Variants in TMEM108 observed in about 807,000 individuals in gnomAD.
TMEM108 encodes the protein transmembrane protein 108, also known as cancer/testis antigen 124.
A neutral mutation model predicts 35.1 loss-of-function variants in TMEM108; 12 were observed. The observed-to-expected ratio is 0.34, with a 90% confidence interval of 0.22 to 0.55. The LOEUF (loss-of-function observed/expected upper bound fraction) is 0.55, where lower values mean the gene tolerates loss of function less well. Among genes scored for constraint, TMEM108 ranks in the 20% least tolerant of loss-of-function variants. The pLI, the probability that TMEM108 is intolerant of heterozygous loss-of-function variation, is 0.89. For missense variants in TMEM108, 680 were observed against 753.3 expected, an observed-to-expected ratio of 0.90 and a Z score of 1.14; for synonymous variants, 287 against 308.6, an observed-to-expected ratio of 0.93 and a Z score of 0.73.
chr3:133,164,115 T>C (rs1476799145), intron 2 of TMEM108, among the ~76,000 whole-genome samples: 1 of 151,904 alleles, frequency 6.6e-6, no homozygotes, highest in Non-Finnish European at 1.5e-5. Flanking sequence ...CTTAGATCAA[T>C]TTATAGAATA....
rs1214771249 is a variant in TMEM108 at position 133,244,120 on chromosome 3, A to T, written c.40+14769A>T. On this transcript the variant is annotated intron_variant, in intron 3 of 5. Coordinates refer to ENST00000321871, the MANE Select transcript of TMEM108 (RefSeq NM_023943.4). ...ATCTCGGATCTCTCAGTCATTGGTTAAGGGCACTGAAGATGTGCCAAGCTC... is the reference window on the plus strand; with the variant it reads ...ATCTCGGATCTCTCAGTCATTGGTTTAGGGCACTGAAGATGTGCCAAGCTC... 2.6e-5 allele frequency among the ~76,000 whole-genome samples: 4 copies of T among 152,192 alleles called. No individual in the cohort carries two copies. In the East Asian group the frequency reaches 7.7e-4, roughly 29 times the overall value.
At chr3:133,098,455 A>T (rs1347506493) in intron 2 of TMEM108, among the ~76,000 whole-genome samples, 5 of 152,258 alleles carry the variant, frequency 3.3e-5, no homozygotes, top group Admixed American at 6.5e-5. Context: ...TCTAAATCTC[A>T]TGGCCTCACA....
rs183009482 is a variant in TMEM108 at position 133,282,136 on chromosome 3, G to A, written c.40+52785G>A. ...CACACCACTGTACTCCAGCCTGGGC[G>A]ACAGAGCGAGACTCCGTCTCAAAAA... On this transcript the variant is annotated intron_variant, in intron 3 of 5. Coordinates refer to ENST00000321871, the MANE Select transcript of TMEM108 (RefSeq NM_023943.4). 4.3e-3 allele frequency among the ~76,000 whole-genome samples: 648 copies of A among 152,176 alleles called. 6 individuals are homozygous for A. The highest frequency in any genetic ancestry group is 6.5e-3 in the Non-Finnish European group (440 of 68,008).
intron 2 of TMEM108, among the ~76,000 whole-genome samples, chr3:133,129,386 T>C (rs1461959812): frequency 7.1e-6 from 1 of 141,736 alleles, no homozygotes; most frequent in African/African-American, 2.7e-5. Context: ...AACACTAAAT[T>C]AGTTCTTTGC....
At chr3:133,058,195 G>A (rs1043396676) in intron 2 of TMEM108, among the ~76,000 whole-genome samples, 14 of 152,180 alleles carry the variant, frequency 9.2e-5, no homozygotes, top group African/African-American at 3.1e-4. Flanking sequence ...TTTGACTTGT[G>A]TAACATCAGA....
In TMEM108 at chr3:133,363,709, T is replaced by A. The variant is rs531215875; in HGVS notation, c.41-16043T>A. 1.1e-3 allele frequency among the ~76,000 whole-genome samples: 172 copies of A among 152,278 alleles called. 1 individual carries two copies. Among genetic ancestry groups the A allele is most frequent in the Admixed American group, 1.3e-3 (20 of 15,286 alleles). On this transcript the variant is annotated intron_variant, in intron 3 of 5. Coordinates refer to ENST00000321871, the MANE Select transcript of TMEM108 (RefSeq NM_023943.4). ...GCATAAGCAACTGCTCCCGGCCTGT[T>A]ATTATTTTTATAGCAAAGACTTAGG...
chr3:133,089,094 C>T (rs971756724), intron 2 of TMEM108, among the ~76,000 whole-genome samples: 1 of 152,110 alleles, frequency 6.6e-6, no homozygotes, highest in African/African-American at 2.4e-5. Flanking sequence ...ACAACCAGAT[C>T]TCACAAAAAC....
At chr3:133,050,520 C>T (rs1412303647) in intron 2 of TMEM108, among the ~76,000 whole-genome samples, 1 of 151,942 alleles carries the variant, frequency 6.6e-6, no homozygotes, top group Non-Finnish European at 1.5e-5. Context: ...TCATAATCAC[C>T]CAAAGTTTAT....
chr3:133,155,831 C>G (rs1944873236), intron 2 of TMEM108, among the ~76,000 whole-genome samples: 3 of 152,018 alleles, frequency 2.0e-5, no homozygotes, highest in African/African-American at 7.2e-5. Flanking sequence ...TTTTGCTGTG[C>G]AAAAGCTCTT....
Position 133,045,974 on chromosome 3 carries a change from A to T in TMEM108, c.-93A>T, listed in dbSNP as rs1559815073. Reference sequence around the variant, plus strand: ...TGAAAAGCAGCAGAGCCGATGGGTCATGAGGATGTAAGTGCGTTTGAAGGC... The same window carrying T: ...TGAAAAGCAGCAGAGCCGATGGGTCTTGAGGATGTAAGTGCGTTTGAAGGC... On this transcript the variant is annotated 5_prime_UTR_variant, in exon 2 of 6. An upstream start codon of the reference 5' UTR is lost. Transcript: ENST00000321871. The T allele has an allele frequency of 6.6e-6, 1 of 152,660 alleles. No homozygotes were observed. The highest frequency in any genetic ancestry group is 1.5e-5 in the Non-Finnish European group (1 of 68,042). 9.5% of individuals were successfully genotyped at this position (152,660 alleles called of 1,614,324 possible).
At chr3:133,392,442 C>G (rs541500303) in intron 5 of TMEM108, among the ~76,000 whole-genome samples, 86 of 152,250 alleles carry the variant, frequency 5.6e-4, no homozygotes, top group African/African-American at 1.9e-3. Flanking sequence ...GGATTATAGG[C>G]GTGAGCCACT....
intron 3 of TMEM108, among the ~76,000 whole-genome samples, chr3:133,267,589 C>T (rs576891341): frequency 6.6e-6 from 1 of 152,310 alleles, no homozygotes; most frequent in African/African-American, 2.4e-5. Context: ...AAATTATTAC[C>T]TCACAATTTC....
At chr3:133,253,402 C>A (rs1035022546) in intron 3 of TMEM108, 3 of 152,176 alleles carry the variant, frequency 2.0e-5, no homozygotes. Context: ...GTTGTTTCAA[C>A]TCTTCCTAGT....
At chr3:133,107,683 G>A (rs1471627105) in intron 2 of TMEM108, among the ~76,000 whole-genome samples, 3 of 152,112 alleles carry the variant, frequency 2.0e-5, no homozygotes, top group Non-Finnish European at 4.4e-5. Flanking sequence ...GATTCACCAG[G>A]TTACCCAGGA....
intron 3 of TMEM108, among the ~76,000 whole-genome samples, chr3:133,286,374 C>T (rs1019850003): frequency 2.6e-5 from 4 of 152,130 alleles, no homozygotes; most frequent in Non-Finnish European, 5.9e-5. Flanking sequence ...CACTCTGCTG[C>T]TCAGGCTGGT....
At chr3:133,119,440 T>A (rs1299104170) in intron 2 of TMEM108, 1 of 152,196 alleles carries the variant, frequency 6.6e-6, no homozygotes, top group Non-Finnish European at 1.5e-5. Context: ...GACAGAACCC[T>A]GATTCTCTCT....
Position 133,268,299 on chromosome 3 carries a change from G to A in TMEM108, c.40+38948G>A, listed in dbSNP as rs572814915. On this transcript the variant is annotated intron_variant, in intron 3 of 5. Transcript: ENST00000321871. ...TGTGGGCCCATATCAGGGCAGTTGT[G>A]GCATAGAAATATAGTCCTTTATTGT... is the stretch of plus-strand genomic sequence containing the variant. Among the ~76,000 whole-genome samples, 64 of 152,302 alleles carry A rather than the reference G, an allele frequency of 4.2e-4. 1 individual carries two copies. Among genetic ancestry groups the A allele is most frequent in the African/African-American group, 1.4e-3 (58 of 41,572 alleles).
chr3:133,199,982 C>G (rs979243564), intron 2 of TMEM108, among the ~76,000 whole-genome samples: 20 of 152,194 alleles, frequency 1.3e-4, no homozygotes, highest in African/African-American at 4.8e-4. Flanking sequence ...ACCCCTACCC[C>G]AGCCTCACTG....
chr3:133,198,397 C>A (rs928901724), intron 2 of TMEM108, among the ~76,000 whole-genome samples: 5 of 152,182 alleles, frequency 3.3e-5, no homozygotes, highest in African/African-American at 2.4e-5. Context: ...AGAGTGTGAA[C>A]AACCAGAGGC....
Sources: gnomAD v4.1 joint callset for allele counts (sites outside exome capture counted in the v4.1 genomes callset) on GRCh38, gnomAD v4.1.1 for gene constraint, MANE v1.5 for transcripts, NCBI Gene and HGNC (gene_info 2026-07-23, HGNC 2026-07-21) for gene names.